Variants in MCC observed in about 807,000 individuals in gnomAD.
MCC encodes the protein MCC regulator of Wnt signaling pathway, also known as colorectal mutant cancer protein.
A neutral mutation model predicts 116.2 loss-of-function variants in MCC; 90 were observed. The observed-to-expected ratio is 0.77, with a 90% CI of 0.65 to 0.92. The LOEUF (loss-of-function observed/expected upper bound fraction) is 0.92, where lower values mean the gene tolerates loss of function less well. Among genes scored for constraint, MCC ranks in the 40% least tolerant of loss-of-function variants. The probability of loss-of-function intolerance (pLI) is 0.00; values close to 1 mark genes in which losing one functional copy is unlikely to be tolerated. For missense variants in MCC, 1,516 were observed against 1,312.2 expected (o/e 1.16, Z -2.40); for synonymous variants, 578 against 510.5 (o/e 1.13, Z -1.78).
intron 3 of MCC, among the ~76,000 whole-genome samples, chr5:113,194,751 G>GA (rs1762316627): frequency 1.3e-5 from 2 of 152,168 alleles, no homozygotes; most frequent in African/African-American, 4.8e-5. Flanking sequence ...TATGATGAGT[G>GA]ATGAATGCTG....
intron 1 of MCC, among the ~76,000 whole-genome samples, chr5:113,387,157 A>G (rs550181895): frequency 6.6e-6 from 1 of 152,246 alleles, no homozygotes; most frequent in African/African-American, 2.4e-5. Context: ...GGGTCTCAAA[A>G]CAAGCCACCC....
At chr5:113,105,646 C>T (rs1416606405) in intron 6 of MCC, among the ~76,000 whole-genome samples, 6 of 152,170 alleles carry the variant, frequency 3.9e-5, no homozygotes, top group Non-Finnish European at 7.3e-5. Context: ...ACCACAACCT[C>T]CAAAACTTAT....
rs747087286 is a variant in MCC at position 113,488,341 on chromosome 5, C to T, written c.74G>A (p.Ser25Asn). 1.3e-6 allele frequency: 2 copies of T among 1,485,632 alleles called. No homozygotes were observed. The highest frequency in any genetic ancestry group is 1.8e-6 in the Non-Finnish European group (2 of 1,126,280). The allele number at this position is 1,485,632 out of a possible 1,614,324, so 92.0% of individuals were successfully genotyped here. ...GCTGGACGTGTCGCTGCTGCTGCTG[C>T]TGCTGCCGCTGCCGCCGCCGCCGCC... ...SGGGGGGSGS[S>N]SSSSDTSSTG... The change falls in exon 1 of 19, where the codon AGC becomes AAC. Residue 25 changes from serine (S) to asparagine (N), a missense_variant. By Grantham distance (46) the Ser-to-Asn change is conservative. Coordinates refer to ENST00000408903, the MANE Select transcript of MCC (RefSeq NM_001085377.2).
At chr5:113,158,190 A>G (rs1308238491) in intron 3 of MCC, among the ~76,000 whole-genome samples, 1 of 152,244 alleles carries the variant, frequency 6.6e-6, no homozygotes, top group Non-Finnish European at 1.5e-5. Flanking sequence ...CAAGTAAATG[A>G]CACTATGGGT....
chr5:113,360,101 G>A (rs536623361), intron 2 of MCC, among the ~76,000 whole-genome samples: 10 of 152,064 alleles, frequency 6.6e-5, no homozygotes, highest in East Asian at 5.8e-4. Flanking sequence ...ACAACCTCTC[G>A]TATGGCATGC....
At chr5:113,485,561 T>G (rs1358330532) in intron 1 of MCC, among the ~76,000 whole-genome samples, 1 of 150,158 alleles carries the variant, frequency 6.7e-6, no homozygotes, top group Non-Finnish European at 1.5e-5. Context: ...TCCTTTTACA[T>G]CTTCTTCCCT....
intron 16 of MCC, among the ~76,000 whole-genome samples, chr5:113,046,700 AAAAAAAAAAAAG>A (rs1752106206): frequency 6.9e-6 from 1 of 145,818 alleles, no homozygotes; most frequent in South Asian, 2.2e-4. Context: ...AAAAAAAAAA[AAAAAAAAAAAAG>A]AGAGAGATTT....
chr5:113,458,774 C>T (rs1303758645), intron 1 of MCC, among the ~76,000 whole-genome samples: 1 of 152,126 alleles, frequency 6.6e-6, no homozygotes, highest in Non-Finnish European at 1.5e-5. Flanking sequence ...AGAAAGAGTG[C>T]TTAAGGCCCT....
At chr5:113,404,789 G>A (rs1273510191) in intron 1 of MCC, among the ~76,000 whole-genome samples, 1 of 149,240 alleles carries the variant, frequency 6.7e-6, no homozygotes, top group South Asian at 2.1e-4. Context: ...CTGTATAATG[G>A]TGGCACAACA....
In MCC at chr5:113,025,064, A is replaced by T. The variant is rs961989566; in HGVS notation, c.*2238T>A. 1.3e-5 allele frequency: 2 copies of T among 151,764 alleles called. No homozygotes were observed. The highest frequency in any genetic ancestry group is 2.9e-5 in the Non-Finnish European group (2 of 67,998). The allele number at this position is 151,764 out of a possible 1,614,324, so 9.4% of individuals were successfully genotyped here. On this transcript the variant is annotated 3_prime_UTR_variant, in exon 19 of 19. Coordinates refer to ENST00000408903, the MANE Select transcript of MCC (RefSeq NM_001085377.2). ...GTTCTCTGATTTTACCTGGAGCAAGAATGGAGACAGAAGTCAGTAGGCAGG... is the reference window on the plus strand; with the variant it reads ...GTTCTCTGATTTTACCTGGAGCAAGTATGGAGACAGAAGTCAGTAGGCAGG...
At chr5:113,298,421 G>A (rs993712275) in intron 3 of MCC, among the ~76,000 whole-genome samples, 1 of 152,202 alleles carries the variant, frequency 6.6e-6, no homozygotes, top group South Asian at 2.1e-4. Flanking sequence ...TGAGGAGAAA[G>A]AAGGCAGATA....
chr5:113,350,523 A>G (rs1285609651), intron 2 of MCC, among the ~76,000 whole-genome samples: 6 of 152,106 alleles, frequency 3.9e-5, no homozygotes, highest in Non-Finnish European at 4.4e-5. Flanking sequence ...ATCTCTCACC[A>G]TATACAAAAA....
intron 1 of MCC, among the ~76,000 whole-genome samples, chr5:113,423,761 G>A (rs1022378663): frequency 1.5e-4 from 23 of 151,956 alleles, no homozygotes; most frequent in African/African-American, 4.6e-4. Flanking sequence ...CCCCCAACCC[G>A]GCACAGTCAA....
At chr5:113,152,844 T>TA (rs11371467) in intron 3 of MCC, among the ~76,000 whole-genome samples, 18,533 of 152,098 alleles carry the variant, frequency 0.12, 1,511 homozygotes, top group African/African-American at 0.23. Flanking sequence ...TGCTTAAAAT[T>TA]AAAAAAAGAA....
chr5:113,405,455 A>T (rs1769800993), intron 1 of MCC, among the ~76,000 whole-genome samples: 1 of 152,198 alleles, frequency 6.6e-6, no homozygotes, highest in Admixed American at 6.5e-5. Context: ...AAGGTATTAA[A>T]ATCTGCCAGG....
chr5:113,233,622 T>A (rs952840363), intron 3 of MCC, among the ~76,000 whole-genome samples: 1 of 152,160 alleles, frequency 6.6e-6, no homozygotes, highest in Admixed American at 6.6e-5. Context: ...ATATGTGACT[T>A]CTCTCTCCTC....
At chr5:113,309,401 A>G (rs1002588202) in intron 3 of MCC, among the ~76,000 whole-genome samples, 1 of 152,060 alleles carries the variant, frequency 6.6e-6, no homozygotes, top group Non-Finnish European at 1.5e-5. Flanking sequence ...ATACCCATGC[A>G]TGCAGCACTT....
At chr5:113,255,724 G>A (rs760458708) in intron 3 of MCC, among the ~76,000 whole-genome samples, 152 of 152,200 alleles carry the variant, frequency 1.0e-3, no homozygotes, top group African/African-American at 3.2e-3. Flanking sequence ...AAATATTTAC[G>A]TGGCCCCAAC....
intron 4 of MCC, among the ~76,000 whole-genome samples, chr5:113,145,307 G>A (rs1759430460): frequency 6.6e-6 from 1 of 152,122 alleles, no homozygotes; most frequent in African/African-American, 2.4e-5. Flanking sequence ...ATAAAATTCT[G>A]TCTCTGACCT....
Sources: allele counts gnomAD v4.1 joint callset (sites outside exome capture counted in the v4.1 genomes callset), GRCh38; gene constraint gnomAD v4.1.1; transcripts MANE v1.5; gene names NCBI Gene and HGNC (gene_info 2026-07-23, HGNC 2026-07-21).